The following COP1 variants were observed in gnomAD, a reference collection of about 807,000 sequenced individuals.
COP1 encodes COP1 E3 ubiquitin ligase, also known as E3 ubiquitin-protein ligase COP1.
COP1 carries 24 observed loss-of-function variants against 101.3 expected under a neutral mutation model. The observed-to-expected ratio is 0.24, with a 90% CI of 0.17 to 0.33. The LOEUF is 0.33. Among genes scored for constraint, COP1 ranks in the 10% least tolerant of loss-of-function variants. The probability of loss-of-function intolerance (pLI) is 1.00; values close to 1 mark genes in which losing one functional copy is unlikely to be tolerated. For synonymous variants in COP1, 347 were observed against 341.9 expected (o/e 1.01, Z -0.17); for missense variants, 663 against 906.2 (o/e 0.73, Z 3.45).
intron 18 of COP1, among the ~76,000 whole-genome samples, chr1:175,976,869 A>C (rs192539633): frequency 1.3e-4 from 20 of 152,300 alleles, no homozygotes; most frequent in Admixed American, 1.2e-3. Flanking sequence ...ACTTTTTTTG[A>C]AAGTTGTAAC....
chr1:176,058,556 G>C (rs2149281409), intron 11 of COP1, among the ~76,000 whole-genome samples: 1 of 152,236 alleles, frequency 6.6e-6, no homozygotes, highest in East Asian at 1.9e-4. Flanking sequence ...ATGATTGAAG[G>C]CAGCATGCTC....
intron 6 of COP1, among the ~76,000 whole-genome samples, chr1:176,143,107 G>C (rs113906866): frequency 0.021 from 2,529 of 123,352 alleles, 70 homozygotes; most frequent in African/African-American, 0.072. Context: ...GGCAAGAATT[G>C]ATCCAACAGA....
intron 1 of COP1, 101 bp from the exon 2 acceptor site, chr1:176,184,793 C>A: frequency 1.3e-6 from 1 of 771,232 alleles, no homozygotes; most frequent in Non-Finnish European, 2.2e-6. Flanking sequence ...TTTCAATATA[C>A]AGTTTAGAGC....
chr1:176,030,272 C>G (rs985819319), intron 14 of COP1, among the ~76,000 whole-genome samples: 2 of 152,088 alleles, frequency 1.3e-5, no homozygotes, highest in African/African-American at 4.8e-5. Context: ...AGATGGCTCC[C>G]TGGAATTAAA....
At chr1:176,029,039 C>A (rs1668223186) in intron 14 of COP1, among the ~76,000 whole-genome samples, 1 of 151,980 alleles carries the variant, frequency 6.6e-6, no homozygotes, top group Non-Finnish European at 1.5e-5. Context: ...CAGATGTGAG[C>A]CACTGGGCCC....
intron 1 of COP1, among the ~76,000 whole-genome samples, chr1:176,191,092 T>C (rs201736713): frequency 6.6e-6 from 1 of 152,056 alleles, no homozygotes; most frequent in Non-Finnish European, 1.5e-5. Context: ...GATTTTATAA[T>C]TTATAATGCC....
intron 5 of COP1, among the ~76,000 whole-genome samples, chr1:176,161,402 C>T (rs2149932344): frequency 6.6e-6 from 1 of 151,626 alleles, no homozygotes; most frequent in East Asian, 1.9e-4. Flanking sequence ...TACTGTAGGC[C>T]AATATAGTGA....
intron 18 of COP1, among the ~76,000 whole-genome samples, chr1:175,958,927 C>T (rs900785309): frequency 6.6e-6 from 1 of 151,818 alleles, no homozygotes; most frequent in Non-Finnish European, 1.5e-5. Context: ...AATTTTTCCA[C>T]ATCAAAGGAG....
chr1:175,966,948 T>C (rs1365732565), intron 18 of COP1, among the ~76,000 whole-genome samples: 3 of 152,146 alleles, frequency 2.0e-5, no homozygotes, highest in East Asian at 3.9e-4. Flanking sequence ...AAATCCCAAT[T>C]TGAGATCTGG....
At chr1:176,019,604 C>T (rs576778871) in intron 15 of COP1, among the ~76,000 whole-genome samples, 11 of 150,928 alleles carry the variant, frequency 7.3e-5, no homozygotes, top group Non-Finnish European at 1.2e-4. Flanking sequence ...CTCACACCTG[C>T]AATCCCAGGA....
intron 19 of COP1, 63 bp downstream of exon 19, chr1:175,947,132 A>G (rs1479113664): frequency 1.8e-6 from 2 of 1,114,460 alleles, no homozygotes; most frequent in African/African-American, 1.5e-5. Context: ...GTGTATTTCT[A>G]TAATCCTGTT....
At chr1:176,118,132 A>C (rs1686518224) in intron 8 of COP1, among the ~76,000 whole-genome samples, 1 of 152,226 alleles carries the variant, frequency 6.6e-6, no homozygotes, top group African/African-American at 2.4e-5. Context: ...GCAAGTGATT[A>C]ATCTTATTTG....
chr1:176,180,168 T>G (rs867553816), intron 2 of COP1, among the ~76,000 whole-genome samples: 1 of 152,188 alleles, frequency 6.6e-6, no homozygotes, highest in African/African-American at 2.4e-5. Flanking sequence ...ATGCAAGGAT[T>G]TGTTTTACCC....
At chr1:176,001,764 G>A (rs377682944) in intron 15 of COP1, among the ~76,000 whole-genome samples, 1 of 151,962 alleles carries the variant, frequency 6.6e-6, no homozygotes, top group Non-Finnish European at 1.5e-5. Context: ...ACTCTCTCTG[G>A]TATTTCTTAT....
chr1:175,957,077 GA>G (rs906307617), intron 18 of COP1, among the ~76,000 whole-genome samples: 2 of 151,724 alleles, frequency 1.3e-5, no homozygotes, highest in Non-Finnish European at 2.9e-5. Flanking sequence ...GTCAAAAAGT[GA>G]AAAAAATTAA....
intron 10 of COP1, 134 bp downstream of exon 10, chr1:176,085,642 G>C (rs1345782513): frequency 2.2e-6 from 1 of 459,858 alleles, no homozygotes; most frequent in East Asian, 3.0e-5. Context: ...GAACCTCCAT[G>C]ATGATCTGGT....
intron 3 of COP1, among the ~76,000 whole-genome samples, chr1:176,165,825 G>A (rs141692691): frequency 6.6e-6 from 1 of 152,174 alleles, no homozygotes; most frequent in Non-Finnish European, 1.5e-5. Flanking sequence ...ATTGTGAAGG[G>A]CCTGAACTGC....
At chr1:176,143,044 AC>A (rs1294725463) in intron 6 of COP1, among the ~76,000 whole-genome samples, 1 of 151,974 alleles carries the variant, frequency 6.6e-6, no homozygotes, top group African/African-American at 2.4e-5. Flanking sequence ...GAGAGGAAAA[AC>A]AAAGTCAAAA....
At chr1:176,054,730 T>A (rs964588236) in intron 11 of COP1, among the ~76,000 whole-genome samples, 4 of 152,168 alleles carry the variant, frequency 2.6e-5, no homozygotes, top group African/African-American at 9.7e-5. Flanking sequence ...AATTTTTCCA[T>A]CTATCCTGGA....
Sources: gnomAD v4.1 joint callset for allele counts (sites outside exome capture counted in the v4.1 genomes callset) on GRCh38, gnomAD v4.1.1 for gene constraint, MANE v1.5 for transcripts, NCBI Gene and HGNC (gene_info 2026-07-23, HGNC 2026-07-21) for gene names.